KCNQ5: variants seen among roughly 807,000 people sequenced by gnomAD.
KCNQ5 encodes potassium voltage-gated channel subfamily KQT member 5.
In KCNQ5, 30 loss-of-function variants were observed where a neutral mutation model predicts 98.2. The observed-to-expected ratio is 0.31, with a 90% CI of 0.23 to 0.41. The LOEUF is 0.41. KCNQ5 is among the 10% of genes least tolerant of loss of function. The pLI is 1.00. For missense variants in KCNQ5, 835 were observed against 1,182.5 expected (o/e 0.71, Z 4.31); for synonymous variants, 458 against 449.4 (o/e 1.02, Z -0.24).
intron 1 of KCNQ5, among the ~76,000 whole-genome samples, chr6:72,941,301 CTT>C (rs1766221088): frequency 1.5e-5 from 1 of 68,460 alleles, no homozygotes; most frequent in South Asian, 7.7e-4. Flanking sequence ...CCCTGCTCAT[CTT>C]CCTTCCTTCC....
intron 1 of KCNQ5, among the ~76,000 whole-genome samples, chr6:73,003,268 G>A (rs766569476): frequency 1.3e-5 from 2 of 152,154 alleles, no homozygotes; most frequent in Non-Finnish European, 2.9e-5. Flanking sequence ...TGAATAGACA[G>A]AGCTGAGAAG....
At chr6:72,676,839 G>A (rs1397383811) in intron 1 of KCNQ5, among the ~76,000 whole-genome samples, 4 of 152,114 alleles carry the variant, frequency 2.6e-5, no homozygotes, top group African/African-American at 9.7e-5. Flanking sequence ...TGTAACATAG[G>A]ACCAAATGTT....
At chr6:72,814,728 C>T (rs947099157) in intron 1 of KCNQ5, among the ~76,000 whole-genome samples, 5 of 152,186 alleles carry the variant, frequency 3.3e-5, no homozygotes, top group Admixed American at 3.3e-4. Flanking sequence ...TTCCCTTTAT[C>T]ATCTTGTTAA....
intron 2 of KCNQ5, among the ~76,000 whole-genome samples, chr6:73,028,409 A>G (rs1770986879): frequency 6.6e-6 from 1 of 152,208 alleles, no homozygotes; most frequent in Non-Finnish European, 1.5e-5. Flanking sequence ...GAAATTTTTC[A>G]GAGCTCTCCT....
chr6:73,163,031 C>G (rs1290688536), intron 10 of KCNQ5, among the ~76,000 whole-genome samples: 1 of 152,166 alleles, frequency 6.6e-6, no homozygotes, highest in Non-Finnish European at 1.5e-5. Flanking sequence ...ACCCTCAACC[C>G]TGGACTGAAA....
intron 1 of KCNQ5, among the ~76,000 whole-genome samples, chr6:72,697,260 C>T (rs1383324749): frequency 2.0e-5 from 3 of 152,098 alleles, no homozygotes; most frequent in Non-Finnish European, 4.4e-5. Context: ...TCCCCATGTT[C>T]ATTTATCCTA....
At chr6:72,999,459 T>C (rs1205584723) in intron 1 of KCNQ5, among the ~76,000 whole-genome samples, 1 of 152,216 alleles carries the variant, frequency 6.6e-6, no homozygotes, top group Admixed American at 6.5e-5. Context: ...TCCAGACTAA[T>C]TTTGAAGGAA....
chr6:72,761,503 CAT>C (rs1006405582), intron 1 of KCNQ5, among the ~76,000 whole-genome samples: 40 of 151,700 alleles, frequency 2.6e-4, no homozygotes, highest in African/African-American at 9.2e-4. Flanking sequence ...TAATAATTAA[CAT>C]ATGTACATGG....
In KCNQ5 at chr6:72,622,258, G is replaced by T. The variant is rs1269286659; in HGVS notation, c.69G>T (p.Ala23=). Residue 23 remains alanine, a synonymous_variant, in exon 1 of 14, where the codon GCG becomes GCT. Transcript: ENST00000370398. The surrounding 1 kb of genome is among the most constrained non-coding windows in gnomAD (Gnocchi z 6.0). ...AAGLWVKSGA[A]AAAAGGGRLG... ...GGCTCTGGGTGAAGAGCGGCGCAGC[G>T]GCGGCGGCGGCGGGCGGGGGGCGCT... 3 of 1,219,266 alleles carry T rather than the reference G, an allele frequency of 2.5e-6. No individual in the cohort carries two copies. The highest frequency in any genetic ancestry group is 3.6e-5 in the South Asian group (1 of 27,960). The allele number at this position is 1,219,266 out of a possible 1,614,324, so 75.5% of individuals were successfully genotyped here.
chr6:72,655,026 G>GTCTTTCTTTCTTTCTTTCTT (rs55711635), intron 1 of KCNQ5, among the ~76,000 whole-genome samples: 1 of 105,822 alleles, frequency 9.4e-6, no homozygotes, highest in Non-Finnish European at 2.0e-5. Flanking sequence ...AGGTCTGTCT[G>GTCTTTCTTTCTTTCTTTCTT]TCTTTCTTTC....
intron 1 of KCNQ5, among the ~76,000 whole-genome samples, chr6:72,964,701 T>A (rs1767523078): frequency 6.6e-6 from 1 of 152,206 alleles, no homozygotes; most frequent in Non-Finnish European, 1.5e-5. Context: ...ATTATTAGTG[T>A]ATTCCATGTT....
In KCNQ5 at chr6:72,622,301, G is replaced by C; in HGVS notation, c.112G>C (p.Asp38His). The part of the protein sequence containing the change: ...GGGRLGSGMK[D>H]VESGRGRVLL... ...GGGGCGCTTGGGCAGCGGCATGAAG[G>C]ATGTGGAGTCCGGCCGGGGCAGGGT... The change falls in exon 1 of 14, where the codon GAT becomes CAT. Residue 38 changes from aspartate (D) to histidine (H), a missense_variant. Transcript: ENST00000370398. This position sits in a 1 kb window ranked among gnomAD's most constrained non-coding sequence, Gnocchi z 6.0. The C allele has an allele frequency of 3.7e-6, 5 of 1,356,646 alleles. No homozygotes were observed. Among genetic ancestry groups the C allele is most frequent in the Non-Finnish European group, 4.7e-6 (5 of 1,058,682 alleles). 84.0% of individuals were successfully genotyped at this position (1,356,646 alleles called of 1,614,324 possible). A position where few individuals can be genotyped will look rare whatever the true frequency, so the allele number is the denominator to read the frequency against.
intron 1 of KCNQ5, among the ~76,000 whole-genome samples, chr6:72,657,448 AATAG>A (rs1259977953): frequency 3.9e-5 from 6 of 152,172 alleles, no homozygotes; most frequent in African/African-American, 1.4e-4. Context: ...CCAGTTGACA[AATAG>A]ATACTTTTTC....
At chr6:72,927,932 A>G (rs558630686) in intron 1 of KCNQ5, among the ~76,000 whole-genome samples, 190 of 152,170 alleles carry the variant, frequency 1.2e-3, no homozygotes, top group African/African-American at 4.3e-3. Flanking sequence ...TCCCATTCCT[A>G]TACCTAACAC....
chr6:72,837,268 A>G (rs1212282130), intron 1 of KCNQ5, among the ~76,000 whole-genome samples: 1 of 152,210 alleles, frequency 6.6e-6, no homozygotes, highest in Non-Finnish European at 1.5e-5. Context: ...TCTAATATAC[A>G]TACTTTACTG....
At chr6:72,956,616 G>A (rs1037815857) in intron 1 of KCNQ5, among the ~76,000 whole-genome samples, 6 of 146,684 alleles carry the variant, frequency 4.1e-5, no homozygotes, top group African/African-American at 1.5e-4. Flanking sequence ...ATGTTGCTCA[G>A]GCTGGTCTCA....
intron 1 of KCNQ5, among the ~76,000 whole-genome samples, chr6:72,691,009 A>G (rs1768191070): frequency 6.6e-6 from 1 of 152,158 alleles, no homozygotes; most frequent in Non-Finnish European, 1.5e-5. Flanking sequence ...CCTCTTAACC[A>G]CTGTGTTTAT....
At chr6:72,791,208 G>A (rs1158130760) in intron 1 of KCNQ5, among the ~76,000 whole-genome samples, 1 of 152,212 alleles carries the variant, frequency 6.6e-6, no homozygotes, top group African/African-American at 2.4e-5. Context: ...TGAGACAGCA[G>A]CTATGCATAT....
At chr6:72,638,357 C>A (rs2098925368) in intron 1 of KCNQ5, among the ~76,000 whole-genome samples, 1 of 152,118 alleles carries the variant, frequency 6.6e-6, no homozygotes, top group Non-Finnish European at 1.5e-5. Context: ...ATTACATTTC[C>A]TAAACTAGTT....
Sources: allele counts gnomAD v4.1 joint callset (sites outside exome capture counted in the v4.1 genomes callset), GRCh38; gene constraint gnomAD v4.1.1; non-coding constraint Gnocchi (gnomAD v3.1); transcripts MANE v1.5; gene names NCBI Gene and HGNC (gene_info 2026-07-23, HGNC 2026-07-21).